RIF1: variants seen among roughly 807,000 people sequenced by gnomAD.
RIF1 encodes telomere-associated protein RIF1.
RIF1 carries 45 observed loss-of-function variants against 247.1 expected under a neutral mutation model. That is an observed-to-expected ratio of 0.18 (90% CI 0.14 to 0.23). The LOEUF (loss-of-function observed/expected upper bound fraction) is 0.23. Ranked by LOEUF, RIF1 falls within the 10% of genes least tolerant of loss-of-function variation. The pLI is 1.00. For synonymous variants in RIF1, 1,087 were observed against 978.8 expected, an observed-to-expected ratio of 1.11 and a Z score of -2.06; for missense variants, 2,967 against 2,862.5, an observed-to-expected ratio of 1.04 and a Z score of -0.83.
chr2:151,411,163 T>C (rs1423129636), intron 2 of RIF1, 97 bp from the exon 3 acceptor site: 5 of 761,300 alleles, frequency 6.6e-6, no homozygotes, highest in African/African-American at 1.8e-5. Context: ...TTGCAGGAGT[T>C]AGAAAGTAAT....
intron 12 of RIF1, chr2:151,505,344 A>G (rs960452719): frequency 1.2e-5 from 9 of 769,132 alleles, no homozygotes; most frequent in Non-Finnish European, 1.7e-5. Context: ...TGACCCCATC[A>G]AGACTAAGGG....
chr2:151,500,539 C>G (rs781781484), intron 11 of RIF1, among the ~76,000 whole-genome samples: 1 of 147,550 alleles, frequency 6.8e-6, no homozygotes, highest in Non-Finnish European at 1.5e-5. Flanking sequence ...GCCTGGATTT[C>G]TATTCATGAA....
chr2:151,498,144 A>G (rs148897243), intron 10 of RIF1: 4 of 1,530,132 alleles, frequency 2.6e-6, no homozygotes, highest in Non-Finnish European at 3.5e-6. Context: ...CTTTTGTAAT[A>G]TAAGATGTAT....
At chr2:151,507,195 T>A in intron 13 of RIF1, 1 of 549,946 alleles carries the variant, frequency 1.8e-6, no homozygotes, top group Non-Finnish European at 3.2e-6. Context: ...AAACTAATTT[T>A]AAAAAACATA....
chr2:151,447,048 A>G (rs2152414926), intron 20 of RIF1, among the ~76,000 whole-genome samples: 1 of 146,726 alleles, frequency 6.8e-6, no homozygotes, highest in East Asian at 2.0e-4. Flanking sequence ...GGTTCACGCC[A>G]TTCTCCTGCC....
intron 17 of RIF1, 33 bp downstream of exon 17, chr2:151,443,362 T>G: frequency 6.9e-7 from 1 of 1,452,542 alleles, no homozygotes; most frequent in Non-Finnish European, 9.6e-7. Context: ...AACTTTGTCT[T>G]GGAAAGGTTA....
chr2:151,461,506 C>T (rs1329633618), intron 27 of RIF1, among the ~76,000 whole-genome samples: 1 of 151,726 alleles, frequency 6.6e-6, no homozygotes, highest in Non-Finnish European at 1.5e-5. Flanking sequence ...ATTCTCCTGC[C>T]TCAGCCTCCC....
At position 151,461,300 on chromosome 2, in the gene RIF1, C is replaced by G. The variant is rs752868798; in HGVS notation, c.3227+11C>G. The G allele has an allele frequency of 6.2e-7, 1 of 1,609,114 alleles. No homozygotes were observed. The highest frequency in any genetic ancestry group is 2.2e-5 in the East Asian group (1 of 44,668). On this transcript the variant is annotated intron_variant, in intron 27 of 35. Transcript: ENST00000444746. ...TCTCAAAACAAAGCGGTTTGTAGGC[C>G]TTTTATCTTGAGTTGGGTATTTGGT...
At chr2:151,433,326 T>A in intron 10 of RIF1, 98 bp downstream of exon 10, 9 of 902,962 alleles carry the variant, frequency 1.0e-5, no homozygotes, top group Non-Finnish European at 1.5e-5. Context: ...TTGCTATTTA[T>A]TAGCAGACTA....
At chr2:151,502,962 G>T in intron 11 of RIF1, 1 of 844,322 alleles carries the variant, frequency 1.2e-6, no homozygotes, top group South Asian at 1.6e-5. Context: ...ATGGGGGAAG[G>T]GGTTATATGT....
chr2:151,521,250 CCTTTA>C, the RIF1 span, among the ~76,000 whole-genome samples: 1 of 152,146 alleles, frequency 6.6e-6, no homozygotes, highest in Admixed American at 6.5e-5. Context: ...TGCTGAGACT[CCTTTA>C]CTTTGAATAA....
At chr2:151,458,225 G>GTTT (rs1559002529) in intron 24 of RIF1, among the ~76,000 whole-genome samples, 20 of 115,234 alleles carry the variant, frequency 1.7e-4, no homozygotes, top group African/African-American at 6.0e-4. Context: ...GGAAATAGAT[G>GTTT]ATTTTTTTTT....
chr2:151,423,179 A>C (rs1688459928), intron 8 of RIF1, 137 bp downstream of exon 8: 6 of 597,286 alleles, frequency 1.0e-5, no homozygotes, highest in Non-Finnish European at 1.8e-5. Context: ...ACTCACTAAA[A>C]TTTATTTGTA....
At chr2:151,512,647 G>C (rs1346692651), downstream of RIF1, 2 of 981,426 alleles carry the variant, frequency 2.0e-6, no homozygotes, top group African/African-American at 3.2e-5. Flanking sequence ...CTGATCTGAA[G>C]AATCTCTTAA....
chr2:151,533,581 A>T, the RIF1 span: 1 of 1,376,980 alleles, frequency 7.3e-7, no homozygotes. Flanking sequence ...CACAAAAGAG[A>T]CTTATGAAGA....
At position 151,475,453 on chromosome 2, in the gene RIF1, A is replaced by G; in HGVS notation, c.*382A>G. 3 of 217,106 alleles carry G rather than the reference A, an allele frequency of 1.4e-5. No individual in the cohort carries two copies. In the South Asian group the frequency reaches 1.9e-4, roughly 14 times the overall value. 13.4% of individuals were successfully genotyped at this position (217,106 alleles called of 1,614,324 possible). A position where few individuals can be genotyped will look rare whatever the true frequency, so the allele number is the denominator to read the frequency against. On this transcript the variant is annotated 3_prime_UTR_variant, in exon 36 of 36. Transcript: ENST00000444746. Reference sequence around the variant, plus strand: ...AACATTTTTATTTGAATTTTTGCTGAACTGATAAAGGTGTTTATATTTTTG... The same window carrying G: ...AACATTTTTATTTGAATTTTTGCTGGACTGATAAAGGTGTTTATATTTTTG...
At chr2:151,454,795 G>A in intron 21 of RIF1, 100 bp from the exon 22 acceptor site, 2 of 804,884 alleles carry the variant, frequency 2.5e-6, no homozygotes, top group East Asian at 5.4e-5. Context: ...TGTATTTGAT[G>A]TATCTAACAT....
chr2:151,506,485 A>G, intron 13 of RIF1: 1 of 503,650 alleles, frequency 2.0e-6, no homozygotes, highest in Non-Finnish European at 3.5e-6. Flanking sequence ...AGATTGTGGT[A>G]TACCATACTA....
At chr2:151,524,279 A>T in the RIF1 span, 3 of 1,569,166 alleles carry the variant, frequency 1.9e-6, no homozygotes, top group Non-Finnish European at 2.6e-6. Flanking sequence ...ATCTCCTCAC[A>T]TGAGAGCCAC....
Sources: gnomAD v4.1 joint callset for allele counts (sites outside exome capture counted in the v4.1 genomes callset) on GRCh38, gnomAD v4.1.1 for gene constraint, MANE v1.5 for transcripts, NCBI Gene and HGNC (gene_info 2026-07-23, HGNC 2026-07-21) for gene names.